Variants in INSL6 observed in about 807,000 individuals in gnomAD.
INSL6 encodes the protein insulin like 6.
Under a neutral mutation model 9.4 loss-of-function variants are expected in INSL6, and 16 were observed. The ratio of observed to expected loss-of-function variants is 1.70; its 90% CI spans 1.15 to 2.59. The LOEUF is 2.59. INSL6 is among the 30% of genes most tolerant of loss of function. The pLI is 0.00. For synonymous variants in INSL6, 154 were observed against 96.9 expected, an observed-to-expected ratio of 1.59 and a Z score of -3.46; for missense variants, 391 against 257.3, an observed-to-expected ratio of 1.52 and a Z score of -3.56.
At chr9:5,180,648 C>T (rs1179619766) in intron 1 of INSL6, among the ~76,000 whole-genome samples, 2 of 152,102 alleles carry the variant, frequency 1.3e-5, no homozygotes, top group African/African-American at 4.8e-5. Flanking sequence ...AAAAACTCCA[C>T]CCTGGTAAAT....
At chr9:5,164,357 A>T (rs1438020001) in intron 1 of INSL6, 92 bp from the exon 2 acceptor site, 3 of 774,798 alleles carry the variant, frequency 3.9e-6, no homozygotes, top group Non-Finnish European at 6.3e-6. Context: ...GCTAATTATT[A>T]AAAAACAAGT....
the INSL6 span, among the ~76,000 whole-genome samples, chr9:5,058,879 T>A: frequency 6.6e-6 from 1 of 152,220 alleles, no homozygotes; most frequent in East Asian, 1.9e-4. Flanking sequence ...CATTTTTTAA[T>A]CAGGTTTTTT....
At chr9:5,013,812 T>G in the INSL6 span, among the ~76,000 whole-genome samples, 1 of 152,194 alleles carries the variant, frequency 6.6e-6, no homozygotes, top group Non-Finnish European at 1.5e-5. Flanking sequence ...GATGTGTAAT[T>G]TACTATAAAT....
chr9:5,112,408 A>G, the INSL6 span: 1 of 466,736 alleles, frequency 2.1e-6, no homozygotes, highest in South Asian at 2.6e-5. Flanking sequence ...GAGGAGGATG[A>G]GGAGAACACG....
In INSL6 at chr9:5,185,639, T is replaced by A; in HGVS notation, c.-37A>T. ...CAGGCTAGTCCTCCGCGTTGTGCAA[T>A]GGCGGTCGGCCGGACCCTGCTCCCT... On this transcript the variant is annotated 5_prime_UTR_variant, in exon 1 of 2. Transcript: ENST00000381641. 6.3e-7 allele frequency: 1 copy of A among 1,579,248 alleles called. No homozygotes were observed. The highest frequency in any genetic ancestry group is 8.6e-7 in the Non-Finnish European group (1 of 1,164,816).
At chr9:5,161,586 G>A (rs1189831374), downstream of INSL6, among the ~76,000 whole-genome samples, 3 of 152,250 alleles carry the variant, frequency 2.0e-5, no homozygotes, top group African/African-American at 7.2e-5. Context: ...GTCCAAGCTA[G>A]AGCAATCAGA....
the INSL6 span, among the ~76,000 whole-genome samples, chr9:5,104,288 C>T: frequency 6.6e-6 from 1 of 152,198 alleles, no homozygotes; most frequent in East Asian, 1.9e-4. Context: ...ATTAACACCT[C>T]TACACAAATA....
At chr9:5,095,037 A>C in the INSL6 span, 2 of 148,402 alleles carry the variant, frequency 1.3e-5, no homozygotes, top group Admixed American at 1.4e-4. Flanking sequence ...GTCTGACAAA[A>C]GAATTACTTT....
the INSL6 span, among the ~76,000 whole-genome samples, chr9:5,107,396 T>C: frequency 3.3e-5 from 5 of 152,108 alleles, no homozygotes; most frequent in Non-Finnish European, 7.4e-5. Flanking sequence ...TTCTTCCTAG[T>C]AGCCAACACA....
chr9:5,177,159 A>C (rs1423683705), intron 1 of INSL6, among the ~76,000 whole-genome samples: 3 of 152,198 alleles, frequency 2.0e-5, no homozygotes, highest in Non-Finnish European at 4.4e-5. Context: ...GAGTGAATTC[A>C]GCACCTTCAA....
At chr9:5,183,194 A>C (rs1825496494) in intron 1 of INSL6, among the ~76,000 whole-genome samples, 1 of 152,220 alleles carries the variant, frequency 6.6e-6, no homozygotes, top group Non-Finnish European at 1.5e-5. Context: ...ACAGGACAGA[A>C]TAAATGTCAT....
chr9:5,105,147 T>C, the INSL6 span, among the ~76,000 whole-genome samples: 1 of 152,208 alleles, frequency 6.6e-6, no homozygotes, highest in Non-Finnish European at 1.5e-5. Flanking sequence ...CACGACTGTA[T>C]ATTTAGAAAA....
chr9:5,031,872 G>A, the INSL6 span, among the ~76,000 whole-genome samples: 1 of 152,240 alleles, frequency 6.6e-6, no homozygotes, highest in African/African-American at 2.4e-5. Flanking sequence ...CAACTGAGGT[G>A]TACCGGGTTC....
the INSL6 span, among the ~76,000 whole-genome samples, chr9:4,995,845 AC>A: frequency 6.6e-6 from 1 of 152,030 alleles, no homozygotes; most frequent in Non-Finnish European, 1.5e-5. Context: ...TTTTAGTTTT[AC>A]CTTTTTTTTA....
the INSL6 span, among the ~76,000 whole-genome samples, chr9:5,064,557 C>G: frequency 1.3e-4 from 20 of 151,530 alleles, no homozygotes; most frequent in Non-Finnish European, 1.9e-4. Context: ...AGGAAATGCT[C>G]ATGATTTCTA....
rs1164392086 is a variant in INSL6, at chr9:5,164,136, T to C, written c.419A>G (p.Tyr140Cys). Residue 140 changes from tyrosine to cysteine, a missense_variant, in exon 2 of 2, where the codon TAT becomes TGT. By Grantham distance (194) the Tyr-to-Cys change is radical. Transcript: ENST00000381641. ...EFSSSHNINV[Y>C]IHENAKFQKK... is the part of the protein sequence containing the mutation. The stretch of plus-strand genomic sequence containing the variant: ...CTGAAATTTTGCATTCTCATGAATA[T>C]ATACATTGATATTATGTGATGAAGA... 8 of 1,610,304 alleles carry C rather than the reference T, an allele frequency of 5.0e-6. No individual in the cohort carries two copies. Among genetic ancestry groups the C allele is most frequent in the Non-Finnish European group, 8.5e-7 (1 of 1,178,584 alleles).
At chr9:5,159,999 AC>A (rs1302843779), downstream of INSL6, among the ~76,000 whole-genome samples, 3 of 151,988 alleles carry the variant, frequency 2.0e-5, no homozygotes, top group Admixed American at 1.3e-4. Context: ...ACATGGTGAA[AC>A]CCCATCTCTA....
At chr9:5,134,995 A>G (rs1824365033) in intron 2 of INSL6, among the ~76,000 whole-genome samples, 1 of 152,204 alleles carries the variant, frequency 6.6e-6, no homozygotes, top group Non-Finnish European at 1.5e-5. Flanking sequence ...AGGAACATTT[A>G]CCAAGCAAAT....
intron 2 of INSL6, among the ~76,000 whole-genome samples, chr9:5,149,311 C>A (rs1157824352): frequency 1.3e-5 from 2 of 152,192 alleles, no homozygotes; most frequent in Non-Finnish European, 2.9e-5. Context: ...TATTCACCTT[C>A]AGTGTTTTCT....
Sources: gnomAD v4.1 joint callset for allele counts (sites outside exome capture counted in the v4.1 genomes callset) on GRCh38, gnomAD v4.1.1 for gene constraint, MANE v1.5 for transcripts, NCBI Gene and HGNC (gene_info 2026-07-23, HGNC 2026-07-21) for gene names.